Variants in THSD7B observed in about 807,000 individuals in gnomAD.
THSD7B encodes the protein thrombospondin type-1 domain-containing protein 7B.
THSD7B carries 138 observed loss-of-function variants against 213.6 expected under a neutral mutation model. That is an observed-to-expected ratio of 0.65 (90% confidence interval 0.56 to 0.74). The LOEUF is 0.74. Ranked by LOEUF, THSD7B falls within the 30% of genes least tolerant of loss-of-function variation. The probability of loss-of-function intolerance (pLI) is 0.00; values close to 1 mark genes in which losing one functional copy is unlikely to be tolerated. For synonymous variants in THSD7B, 742 were observed against 687.0 expected, an observed-to-expected ratio of 1.08 and a Z score of -1.25; for missense variants, 1,931 against 1,991.5, an observed-to-expected ratio of 0.97 and a Z score of 0.58.
At chr2:137,035,653 G>A (rs1686761161) in intron 2 of THSD7B, among the ~76,000 whole-genome samples, 1 of 151,878 alleles carries the variant, frequency 6.6e-6, no homozygotes, top group African/African-American at 2.4e-5. Flanking sequence ...ATACACTGAT[G>A]ATTTGTAGTA....
At chr2:136,922,997 ATTT>A (rs1179242363) in intron 2 of THSD7B, among the ~76,000 whole-genome samples, 5 of 152,140 alleles carry the variant, frequency 3.3e-5, no homozygotes, top group African/African-American at 1.2e-4. Flanking sequence ...TATCTTAACT[ATTT>A]TTAAGTGTAC....
At chr2:137,085,920 T>C (rs1687831420) in intron 3 of THSD7B, among the ~76,000 whole-genome samples, 1 of 152,216 alleles carries the variant, frequency 6.6e-6, no homozygotes, top group Non-Finnish European at 1.5e-5. Flanking sequence ...ATTTGTATTA[T>C]ATAAAACCAC....
Position 137,367,176 on chromosome 2 carries a change from T to C in THSD7B, c.2501-38437T>C, listed in dbSNP as rs936221059. Among the ~76,000 whole-genome samples the C allele has an allele frequency of 3.9e-5, 6 of 152,156 alleles. No homozygotes were observed. In the East Asian group the frequency reaches 5.8e-4, roughly 15 times the overall value. On this transcript the variant is annotated intron_variant, in intron 12 of 27. Transcript: ENST00000409968. ...GTGTTATACCAATGCAGTAGCTAAC[T>C]ACCATATTCCTTAGGCAGGCTGTGC... is the stretch of plus-strand genomic sequence containing the variant.
At chr2:137,422,079 T>G (rs921980075) in intron 14 of THSD7B, among the ~76,000 whole-genome samples, 1 of 152,206 alleles carries the variant, frequency 6.6e-6, no homozygotes, top group Non-Finnish European at 1.5e-5. Context: ...TGAAAAACAA[T>G]TTGAAACTTT....
intron 7 of THSD7B, among the ~76,000 whole-genome samples, chr2:137,201,847 A>C (rs888871129): frequency 1.4e-4 from 22 of 152,140 alleles, no homozygotes; most frequent in African/African-American, 5.3e-4. Context: ...TTGTGGTTTA[A>C]TTTACAATTT....
In THSD7B at chr2:137,106,021, T is replaced by C. The variant is rs537217152; in HGVS notation, c.1200-9103T>C. Among the ~76,000 whole-genome samples, 20 of 152,316 alleles carry C rather than the reference T, an allele frequency of 1.3e-4. No homozygotes were observed. The South Asian group carries it at 4.1e-3, about 32-fold the overall frequency. ...ATCCCCATCAAGGTACCATTGACTTTCTTCACAGAATTAGAAAAAACTACT... is the reference window on the plus strand; with the variant it reads ...ATCCCCATCAAGGTACCATTGACTTCCTTCACAGAATTAGAAAAAACTACT... On this transcript the variant is annotated intron_variant, in intron 4 of 27. Transcript: ENST00000409968.
rs112961288 is a variant in THSD7B at position 137,454,444 on chromosome 2, A to G, written c.3138+3421A>G. Reference sequence around the variant, plus strand: ...TGTCTGTCTATCTATCTATCTATCTATCTATCTATCTATCTATCTATCTAT... The same window carrying G: ...TGTCTGTCTATCTATCTATCTATCTGTCTATCTATCTATCTATCTATCTAT... On this transcript the variant is annotated intron_variant, in intron 15 of 27. Transcript: ENST00000409968. Among the ~76,000 whole-genome samples the G allele has an allele frequency of 3.1e-3, 472 of 151,304 alleles. 2 individuals carry two copies. Among genetic ancestry groups the G allele is most frequent in the African/African-American group, 5.3e-3 (219 of 41,240 alleles).
rs1683303163 is a variant in THSD7B at position 137,659,576 on chromosome 2, G to C, written c.4376-88G>C. ...AAAATAATAATACTGTTGCAAAGAG[G>C]CCGGTGGCACAGGTTAAAAAAAAAT... is the stretch of plus-strand genomic sequence containing the variant. On this transcript the variant is annotated intron_variant, in intron 24 of 27. Transcript: ENST00000409968. The C allele has an allele frequency of 4.6e-5, 55 of 1,185,516 alleles. No individual in the cohort carries two copies. The South Asian group carries it at 7.7e-4, about 17-fold the overall frequency. The allele number at this position is 1,185,516 out of a possible 1,614,324, so 73.4% of individuals were successfully genotyped here. A position where few individuals can be genotyped will look rare whatever the true frequency, so the allele number is the denominator to read the frequency against.
At chr2:137,224,299 A>G (rs1681447829) in intron 7 of THSD7B, among the ~76,000 whole-genome samples, 2 of 152,182 alleles carry the variant, frequency 1.3e-5, no homozygotes, top group Non-Finnish European at 2.9e-5. Flanking sequence ...CAGGTACATA[A>G]ATTGTCCTGA....
chr2:137,594,218 C>G (rs1403665661), intron 17 of THSD7B, among the ~76,000 whole-genome samples: 1 of 151,960 alleles, frequency 6.6e-6, no homozygotes, highest in East Asian at 1.9e-4. Flanking sequence ...GCTTATATCT[C>G]CTGCCACTAG....
chr2:137,174,120 G>A (rs1056172823), intron 7 of THSD7B, among the ~76,000 whole-genome samples: 6 of 152,100 alleles, frequency 3.9e-5, no homozygotes, highest in African/African-American at 1.4e-4. Flanking sequence ...CAGACTTGAG[G>A]CCTACCTTAA....
chr2:137,397,396 A>C (rs1663343831), intron 12 of THSD7B, among the ~76,000 whole-genome samples: 1 of 152,006 alleles, frequency 6.6e-6, no homozygotes, highest in Admixed American at 6.6e-5. Flanking sequence ...CTTGTCTGTA[A>C]AGGATTTTAT....
In THSD7B at chr2:137,259,250, G is replaced by A. The variant is rs774534304; in HGVS notation, c.2267-13283G>A. On this transcript the variant is annotated intron_variant, in intron 10 of 27. Coordinates refer to ENST00000409968, the MANE Select transcript of THSD7B (RefSeq NM_001316349.2). The stretch of plus-strand genomic sequence containing the variant: ...GGTATTTCTGGTTCTTGATCCTTAA[G>A]GAATCACCACACTGTTTTCCACAAT... 2.0e-5 allele frequency among the ~76,000 whole-genome samples: 3 copies of A among 152,110 alleles called. No individual in the cohort carries two copies. In the South Asian group the frequency reaches 6.2e-4, roughly 32 times the overall value.
chr2:136,812,121 G>T (rs545273972), intron 1 of THSD7B, among the ~76,000 whole-genome samples: 22 of 152,264 alleles, frequency 1.4e-4, no homozygotes, highest in South Asian at 2.1e-4. Context: ...ATGTTTAAGT[G>T]ATTAATTCAT....
rs1427603 is a variant in THSD7B, at chr2:136,771,586, C to A, written c.-36+5899C>A. On this transcript the variant is annotated intron_variant, in intron 1 of 27. Transcript: ENST00000409968. Reference sequence around the variant, plus strand: ...CCCTACTCCTGTGGTCCCAGTTATCCAAATTATATCTATTAGTCAAAATCC... The same window carrying A: ...CCCTACTCCTGTGGTCCCAGTTATCAAAATTATATCTATTAGTCAAAATCC... Among the ~76,000 whole-genome samples, 506 of 152,210 alleles carry A rather than the reference C, an allele frequency of 3.3e-3. 3 individuals carry two copies. Among genetic ancestry groups the A allele is most frequent in the African/African-American group, 0.011 (455 of 41,546 alleles).
intron 1 of THSD7B, among the ~76,000 whole-genome samples, chr2:136,795,931 T>A (rs1393777803): frequency 6.6e-6 from 1 of 151,946 alleles, no homozygotes; most frequent in Admixed American, 6.6e-5. Context: ...ACTCTAATAC[T>A]TGGATCATAT....
chr2:136,777,693 C>T (rs983099433), intron 1 of THSD7B, among the ~76,000 whole-genome samples: 16 of 152,072 alleles, frequency 1.1e-4, no homozygotes, highest in Non-Finnish European at 2.2e-4. Flanking sequence ...TTGGACTAAA[C>T]ATAAAATGAA....
At position 136,911,427 on chromosome 2, in the gene THSD7B, C is replaced by A. The variant is rs187509192; in HGVS notation, c.139+29110C>A. Among the ~76,000 whole-genome samples, 6 of 152,194 alleles carry A rather than the reference C, an allele frequency of 3.9e-5. No homozygotes were observed. In the East Asian group the frequency reaches 1.2e-3, roughly 29 times the overall value. Reference sequence around the variant, plus strand: ...CTGGAGATTTTATTGATAAACTCTCCCTTAAGCATACATCCAAATTAAATG... The same window carrying A: ...CTGGAGATTTTATTGATAAACTCTCACTTAAGCATACATCCAAATTAAATG... On this transcript the variant is annotated intron_variant, in intron 2 of 27. Coordinates refer to ENST00000409968, the MANE Select transcript of THSD7B (RefSeq NM_001316349.2).
chr2:137,268,139 A>C (rs964124482), intron 10 of THSD7B, among the ~76,000 whole-genome samples: 1 of 151,982 alleles, frequency 6.6e-6, no homozygotes, highest in African/African-American at 2.4e-5. Context: ...AATCTAAGAG[A>C]GGATTCTTTA....
Sources: allele counts gnomAD v4.1 joint callset (sites outside exome capture counted in the v4.1 genomes callset), GRCh38; gene constraint gnomAD v4.1.1; transcripts MANE v1.5; gene names NCBI Gene and HGNC (gene_info 2026-07-23, HGNC 2026-07-21).